The following HMGA2 variants were observed in gnomAD, a reference collection of about 807,000 sequenced individuals.
HMGA2 encodes the protein high mobility group protein HMGI-C.
A neutral mutation model predicts 19.1 loss-of-function variants in HMGA2; 8 were observed. That is an observed-to-expected ratio of 0.42 (90% confidence interval 0.25 to 0.76). The LOEUF (loss-of-function observed/expected upper bound fraction) is 0.76. Among genes scored for constraint, HMGA2 ranks in the 30% least tolerant of loss-of-function variants. The pLI is 0.28. For missense variants in HMGA2, 109 were observed against 136.3 expected, an observed-to-expected ratio of 0.80 and a Z score of 1.00; for synonymous variants, 60 against 48.8, an observed-to-expected ratio of 1.23 and a Z score of -0.96.
At chr12:65,852,704 G>T (rs1198290390) in intron 3 of HMGA2, among the ~76,000 whole-genome samples, 3 of 152,058 alleles carry the variant, frequency 2.0e-5, no homozygotes, top group Non-Finnish European at 4.4e-5. Flanking sequence ...ACAACTTTCA[G>T]ATGTATCACA....
At chr12:65,846,361 A>T (rs1355618495) in intron 3 of HMGA2, among the ~76,000 whole-genome samples, 1 of 152,180 alleles carries the variant, frequency 6.6e-6, no homozygotes, top group Non-Finnish European at 1.5e-5. Context: ...CTATGCTTAC[A>T]TTAGACTCAG....
At chr12:65,893,327 A>G (rs1293198212) in intron 3 of HMGA2, among the ~76,000 whole-genome samples, 1 of 152,238 alleles carries the variant, frequency 6.6e-6, no homozygotes, top group Admixed American at 6.5e-5. Context: ...ATATGCCATG[A>G]CAGGGTACTC....
intron 3 of HMGA2, among the ~76,000 whole-genome samples, chr12:65,869,501 T>C (rs1872599519): frequency 6.6e-6 from 1 of 152,112 alleles, no homozygotes; most frequent in Non-Finnish European, 1.5e-5. Flanking sequence ...GGGTCAATTC[T>C]TAGGGATCAT....
Position 65,825,631 on chromosome 12 carries a change from C to T in HMGA2, c.111+250C>T, listed in dbSNP as rs1050441020. Among the ~76,000 whole-genome samples, 12 of 151,802 alleles carry T rather than the reference C, an allele frequency of 7.9e-5. No homozygotes were observed. Among genetic ancestry groups the T allele is most frequent in the African/African-American group, 2.9e-4 (12 of 41,372 alleles). On this transcript the variant is annotated intron_variant, in intron 1 of 4. Coordinates refer to ENST00000403681, the MANE Select transcript of HMGA2 (RefSeq NM_003483.6). The surrounding 1 kb of genome is among the most constrained non-coding windows in gnomAD (Gnocchi z 4.4). Reference sequence around the variant, plus strand: ...GGGGAAGGCGGGAGGTGGGGTCGGGCGAAGCGCGTCCTCGGACTTTCGCTA... The same window carrying T: ...GGGGAAGGCGGGAGGTGGGGTCGGGTGAAGCGCGTCCTCGGACTTTCGCTA...
chr12:65,836,019 A>T (rs1870702335), intron 2 of HMGA2, among the ~76,000 whole-genome samples: 1 of 152,204 alleles, frequency 6.6e-6, no homozygotes, highest in Non-Finnish European at 1.5e-5. Flanking sequence ...GGGATCCTTA[A>T]AAGCCTCATT....
chr12:65,920,920 C>T (rs1875284247), intron 3 of HMGA2, among the ~76,000 whole-genome samples: 1 of 152,174 alleles, frequency 6.6e-6, no homozygotes. Context: ...GAGATTGGAA[C>T]AGTTTGAAGG....
At chr12:65,849,321 A>G (rs1271640510) in intron 3 of HMGA2, among the ~76,000 whole-genome samples, 3 of 152,180 alleles carry the variant, frequency 2.0e-5, no homozygotes, top group African/African-American at 7.2e-5. Context: ...GAATGTATGA[A>G]CATGGCCATC....
intron 3 of HMGA2, chr12:65,915,156 G>T: frequency 6.2e-7 from 1 of 1,612,940 alleles, no homozygotes; most frequent in South Asian, 1.1e-5. Context: ...GTCCAGGATA[G>T]CTCTTCATGT....
chr12:65,930,373 A>G (rs369700954), intron 3 of HMGA2, among the ~76,000 whole-genome samples: 399 of 152,320 alleles, frequency 2.6e-3, no homozygotes, highest in Non-Finnish European at 4.4e-3. Flanking sequence ...AAATGTGCCC[A>G]GGGCCCGTAC....
At chr12:65,896,636 C>A (rs760463314) in intron 3 of HMGA2, among the ~76,000 whole-genome samples, 5 of 152,152 alleles carry the variant, frequency 3.3e-5, no homozygotes, top group East Asian at 1.9e-4. Flanking sequence ...GATCTTCTGA[C>A]CTTTGCTGCT....
chr12:65,953,871 T>C (rs1876532557), intron 4 of HMGA2: 1 of 152,234 alleles, frequency 6.6e-6, no homozygotes, highest in South Asian at 2.1e-4. Context: ...TTTCCATCTG[T>C]TTCTTTCAAA....
At position 65,824,747 on chromosome 12, in the gene HMGA2, C is replaced by G. The variant is rs999046406; in HGVS notation, c.-524C>G. ...TCTCTCTCTCTCTCTCTCTCTCTCTCTCTCTCTCTCTCTCTCTCTCTCGCA... is the reference window on the plus strand; with the variant it reads ...TCTCTCTCTCTCTCTCTCTCTCTCTGTCTCTCTCTCTCTCTCTCTCTCGCA... On this transcript the variant is annotated 5_prime_UTR_variant, in exon 1 of 5. Coordinates refer to ENST00000403681, the MANE Select transcript of HMGA2 (RefSeq NM_003483.6). 8.2e-5 allele frequency: 19 copies of G among 232,008 alleles called. No individual in the cohort carries two copies. Among genetic ancestry groups the G allele is most frequent in the Admixed American group, 5.2e-4 (9 of 17,434 alleles). The allele number at this position is 232,008 out of a possible 1,614,324, so 14.4% of individuals were successfully genotyped here.
intron 3 of HMGA2, among the ~76,000 whole-genome samples, chr12:65,935,920 A>G (rs1414842561): frequency 6.6e-6 from 1 of 152,164 alleles, no homozygotes; most frequent in African/African-American, 2.4e-5. Context: ...TTTAAGCTGT[A>G]AAGTCTTGCA....
chr12:65,873,144 C>T (rs1592407586), intron 3 of HMGA2, among the ~76,000 whole-genome samples: 1 of 152,254 alleles, frequency 6.6e-6, no homozygotes, highest in East Asian at 1.9e-4. Context: ...GACTTTTACC[C>T]GTCTACTATA....
intron 3 of HMGA2, among the ~76,000 whole-genome samples, chr12:65,865,999 C>A (rs1430958095): frequency 6.6e-6 from 1 of 152,092 alleles, no homozygotes; most frequent in African/African-American, 2.4e-5. Context: ...AATGATGGAG[C>A]ATCAGAATTT....
intron 3 of HMGA2, among the ~76,000 whole-genome samples, chr12:65,908,964 G>A (rs183053814): frequency 1.3e-5 from 2 of 152,106 alleles, no homozygotes; most frequent in South Asian, 4.1e-4. Flanking sequence ...GAACACATCC[G>A]CTGGCAGAAG....
chr12:65,888,668 A>C (rs1423393820), intron 3 of HMGA2, among the ~76,000 whole-genome samples: 3 of 130,962 alleles, frequency 2.3e-5, no homozygotes, highest in African/African-American at 2.9e-5. Context: ...GGTTCATGCC[A>C]TTCTCCTGCC....
chr12:65,838,991 TCTTTTTC>T (rs1565703144), intron 3 of HMGA2, among the ~76,000 whole-genome samples: 3 of 143,358 alleles, frequency 2.1e-5, no homozygotes, highest in African/African-American at 8.6e-5. Flanking sequence ...TCTTTCTTTT[TCTTTTTC>T]TTTTTTTTTT....
chr12:65,871,795 G>A (rs1872723437), intron 3 of HMGA2, among the ~76,000 whole-genome samples: 1 of 152,172 alleles, frequency 6.6e-6, no homozygotes, highest in Admixed American at 6.5e-5. Flanking sequence ...TTTGACTTCT[G>A]CCCATACTTT....
Sources: gnomAD v4.1 joint callset for allele counts (sites outside exome capture counted in the v4.1 genomes callset) on GRCh38, gnomAD v4.1.1 for gene constraint, Gnocchi (gnomAD v3.1) non-coding constraint, MANE v1.5 for transcripts, NCBI Gene and HGNC (gene_info 2026-07-23, HGNC 2026-07-21) for gene names.